The following GAS2 variants were observed in gnomAD, a reference collection of about 807,000 sequenced individuals.
The protein encoded by GAS2 is growth arrest-specific protein 2.
In GAS2, 20 loss-of-function variants were observed where a neutral mutation model predicts 37.5. The observed-to-expected ratio is 0.53, with a 90% confidence interval of 0.37 to 0.77. GAS2 has a LOEUF of 0.77. Among genes scored for constraint, GAS2 ranks in the 30% least tolerant of loss-of-function variants. GAS2 has a pLI of 0.00. For synonymous variants in GAS2, 144 were observed against 132.2 expected, an observed-to-expected ratio of 1.09 and a Z score of -0.61; for missense variants, 336 against 373.4, an observed-to-expected ratio of 0.90 and a Z score of 0.82.
intron 3 of GAS2, among the ~76,000 whole-genome samples, chr11:22,717,197 A>G (rs1479590199): frequency 1.3e-5 from 2 of 152,210 alleles, no homozygotes; most frequent in South Asian, 2.1e-4. Flanking sequence ...CCAAAGCAAG[A>G]CTAAGCAAAA....
intron 7 of GAS2, among the ~76,000 whole-genome samples, chr11:22,790,526 T>G (rs1856094554): frequency 6.6e-6 from 1 of 152,130 alleles, no homozygotes; most frequent in African/African-American, 2.4e-5. Context: ...ATGAGGACAC[T>G]TTCACAAAAC....
At position 22,697,853 on chromosome 11, in the gene GAS2, A is replaced by G. The variant is rs1009041796; in HGVS notation, c.267+12064A>G. 6.2e-4 allele frequency among the ~76,000 whole-genome samples: 94 copies of G among 152,242 alleles called. 1 individual carries two copies. The highest frequency in any genetic ancestry group is 2.3e-3 in the African/African-American group (94 of 41,534). On this transcript the variant is annotated intron_variant, in intron 3 of 7. Transcript: ENST00000454584. ...CTTAAGGAGATTTTGGGCTGAGACA[A>G]TGGGGTTTTCTAGATATACAATCAT...
intron 3 of GAS2, among the ~76,000 whole-genome samples, chr11:22,709,721 T>A (rs1204512448): frequency 6.6e-6 from 1 of 152,176 alleles, no homozygotes; most frequent in African/African-American, 2.4e-5. Flanking sequence ...CGTATGTTTA[T>A]CGTGGCACTA....
At chr11:22,760,270 C>T (rs1282210836) in intron 7 of GAS2, among the ~76,000 whole-genome samples, 2 of 152,022 alleles carry the variant, frequency 1.3e-5, no homozygotes, top group African/African-American at 4.8e-5. Flanking sequence ...CATGAGCCAC[C>T]GCACACAGTG....
intron 5 of GAS2, among the ~76,000 whole-genome samples, chr11:22,745,656 C>T (rs542919542): frequency 1.3e-5 from 2 of 152,166 alleles, no homozygotes; most frequent in East Asian, 3.9e-4. Flanking sequence ...GAGTAAGAAG[C>T]AACCTACAGA....
intron 7 of GAS2, among the ~76,000 whole-genome samples, chr11:22,806,907 A>G (rs547617482): frequency 6.3e-4 from 96 of 152,294 alleles, no homozygotes; most frequent in African/African-American, 2.3e-3. Flanking sequence ...AATGGATTCC[A>G]CAATTACTCC....
chr11:22,704,255 A>G (rs1048948675), intron 3 of GAS2, among the ~76,000 whole-genome samples: 1 of 152,044 alleles, frequency 6.6e-6, no homozygotes, highest in African/African-American at 2.4e-5. Context: ...ATTTCTCCTC[A>G]TGCTATTTTT....
At chr11:22,654,613 C>G (rs928020943) in intron 1 of GAS2, among the ~76,000 whole-genome samples, 7 of 152,004 alleles carry the variant, frequency 4.6e-5, no homozygotes, top group Non-Finnish European at 8.8e-5. Context: ...CCGGGCTGAT[C>G]TTGAACTCCC....
chr11:22,752,919 G>A (rs371348095), intron 6 of GAS2, among the ~76,000 whole-genome samples: 31 of 152,080 alleles, frequency 2.0e-4, no homozygotes, highest in African/African-American at 7.2e-4. Flanking sequence ...GAAACACAGT[G>A]GTTTCCATTC....
At position 22,811,788 on chromosome 11, in the gene GAS2, T is replaced by C; in HGVS notation, c.724-10T>C. 6.2e-7 allele frequency: 1 copy of C among 1,613,146 alleles called. No individual in the cohort carries two copies. The highest frequency in any genetic ancestry group is 1.7e-4 in the Middle Eastern group (1 of 6,052). ...CGGAATTTAACACTTTTGATATTTT[T>C]TCATTTCAGATGCTGCACAACAAAC... On this transcript the variant is annotated splice_polypyrimidine_tract_variant and intron_variant, in intron 7 of 7. Coordinates refer to ENST00000454584, the MANE Select transcript of GAS2 (RefSeq NM_001143830.3).
At chr11:22,708,017 A>C (rs1318330629) in intron 3 of GAS2, among the ~76,000 whole-genome samples, 1 of 152,134 alleles carries the variant, frequency 6.6e-6, no homozygotes, top group African/African-American at 2.4e-5. Flanking sequence ...GAGTGTGTCA[A>C]TATTTTATTA....
At chr11:22,784,315 C>T (rs996679970) in intron 7 of GAS2, among the ~76,000 whole-genome samples, 5 of 152,058 alleles carry the variant, frequency 3.3e-5, no homozygotes, top group East Asian at 3.9e-4. Context: ...TTTAAGGGTT[C>T]TGTGTCTTCA....
chr11:22,790,922 G>A (rs1041005193), intron 7 of GAS2, among the ~76,000 whole-genome samples: 3 of 152,098 alleles, frequency 2.0e-5, no homozygotes, highest in Non-Finnish European at 4.4e-5. Context: ...GAGTGTCAAA[G>A]ATAATTGGGA....
At chr11:22,738,894 T>C (rs1852897937) in intron 5 of GAS2, among the ~76,000 whole-genome samples, 1 of 152,220 alleles carries the variant, frequency 6.6e-6, no homozygotes, top group Non-Finnish European at 1.5e-5. Flanking sequence ...TTTAATGTTT[T>C]TCAATTCAAA....
At chr11:22,766,305 C>A (rs982409684) in intron 7 of GAS2, among the ~76,000 whole-genome samples, 12 of 149,776 alleles carry the variant, frequency 8.0e-5, no homozygotes, top group African/African-American at 3.0e-4. Context: ...CTCATAGTAA[C>A]AATAAGGAAA....
Position 22,674,830 on chromosome 11 carries a change from C to T in GAS2, c.-20-20C>T. On this transcript the variant is annotated intron_variant, in intron 1 of 7. Coordinates refer to ENST00000454584, the MANE Select transcript of GAS2 (RefSeq NM_001143830.3). ...GAGAAGTCTGTATAAAAAGCAATTG[C>T]TCTTTTGTTTCCAAAACAGGTATTA... 6.5e-7 allele frequency: 1 copy of T among 1,543,802 alleles called. No homozygotes were observed.
intron 1 of GAS2, among the ~76,000 whole-genome samples, chr11:22,656,554 A>G (rs796111188): frequency 1.4e-4 from 22 of 152,364 alleles, no homozygotes; most frequent in African/African-American, 5.3e-4. Context: ...ACTGGAGCTT[A>G]AGAAAAACTT....
rs186309147 is a variant in GAS2 at position 22,808,112 on chromosome 11, G to A, written c.724-3686G>A. 2.0e-3 allele frequency among the ~76,000 whole-genome samples: 305 copies of A among 152,182 alleles called. 2 individuals carry two copies. Among genetic ancestry groups the A allele is most frequent in the African/African-American group, 5.6e-3 (234 of 41,520 alleles). On this transcript the variant is annotated intron_variant, in intron 7 of 7. Coordinates refer to ENST00000454584, the MANE Select transcript of GAS2 (RefSeq NM_001143830.3). ...ATAATCTCATGAAAAACCTAGATTC[G>A]GGTTTCAAAATGAGAAAACAGCAAA...
At chr11:22,692,593 G>A (rs781688091) in intron 3 of GAS2, among the ~76,000 whole-genome samples, 1 of 152,138 alleles carries the variant, frequency 6.6e-6, no homozygotes, top group Non-Finnish European at 1.5e-5. Flanking sequence ...TTGAGTTTCT[G>A]ATTAGCCTTT....
Sources: gnomAD v4.1 joint callset for allele counts (sites outside exome capture counted in the v4.1 genomes callset) on GRCh38, gnomAD v4.1.1 for gene constraint, MANE v1.5 for transcripts, NCBI Gene and HGNC (gene_info 2026-07-23, HGNC 2026-07-21) for gene names.